The following GRXCR2 variants were observed in gnomAD, a reference collection of about 807,000 sequenced individuals.
The protein encoded by GRXCR2 is glutaredoxin and cysteine rich domain containing 2.
In GRXCR2, 23 loss-of-function variants were observed where a neutral mutation model predicts 24.8. The ratio of observed to expected loss-of-function variants is 0.93; its 90% CI spans 0.67 to 1.32. The LOEUF is 1.32. Ranked by LOEUF, GRXCR2 falls within the 40% of genes most tolerant of loss-of-function variation. The probability of loss-of-function intolerance (pLI) is 0.00; values close to 1 mark genes in which losing one functional copy is unlikely to be tolerated. For synonymous variants in GRXCR2, 130 were observed against 116.1 expected, an observed-to-expected ratio of 1.12 and a Z score of -0.77; for missense variants, 315 against 303.4, an observed-to-expected ratio of 1.04 and a Z score of -0.28.
At chr5:145,929,902 G>A (rs904463834) in intron 2 of GRXCR2, among the ~76,000 whole-genome samples, 14 of 151,894 alleles carry the variant, frequency 9.2e-5, no homozygotes, top group African/African-American at 4.8e-5. Flanking sequence ...AATCACTTCC[G>A]TTTCTTTATG....
chr5:145,861,543 G>T (rs1327160810), intron 2 of GRXCR2, among the ~76,000 whole-genome samples: 1 of 151,996 alleles, frequency 6.6e-6, no homozygotes, highest in South Asian at 2.1e-4. Context: ...ATGGCCACCT[G>T]TACTGCCCCT....
chr5:145,892,752 C>T (rs1204506730), intron 2 of GRXCR2, among the ~76,000 whole-genome samples: 1 of 152,084 alleles, frequency 6.6e-6, no homozygotes, highest in Admixed American at 6.5e-5. Flanking sequence ...GCAAGGCAGG[C>T]CAACATTCAA....
intron 2 of GRXCR2, among the ~76,000 whole-genome samples, chr5:145,892,414 T>A (rs781016112): frequency 6.6e-5 from 10 of 152,052 alleles, no homozygotes; most frequent in Non-Finnish European, 1.3e-4. Context: ...CTAACTAGAA[T>A]AACCAATGCA....
intron 2 of GRXCR2, among the ~76,000 whole-genome samples, chr5:145,909,006 G>T (rs1757126838): frequency 6.6e-6 from 1 of 152,078 alleles, no homozygotes; most frequent in African/African-American, 2.4e-5. Context: ...TCATTTGCTG[G>T]GTGAGCTTAA....
At position 145,893,913 on chromosome 5, in the gene GRXCR2, C is replaced by T. The variant is rs540278949; in HGVS notation, c.-69-27185G>A. The stretch of plus-strand genomic sequence containing the variant: ...GCACTCCTCAGCAAATGTAAAAGAA[C>T]AGAAATTATAACAAACTGTCTCTCA... On this transcript the variant is annotated intron_variant, in intron 2 of 3. Coordinates refer to the GRXCR2 transcript ENST00000639411. 6.1e-3 allele frequency among the ~76,000 whole-genome samples: 923 copies of T among 152,188 alleles called. 12 individuals carry two copies. Among genetic ancestry groups the T allele is most frequent in the African/African-American group, 0.021 (867 of 41,522 alleles).
rs180899835 is a variant in GRXCR2, at chr5:145,915,791, G to A, written c.-70+19910C>T. Among the ~76,000 whole-genome samples, 425 of 152,076 alleles carry A rather than the reference G, an allele frequency of 2.8e-3. 2 individuals carry two copies. Among genetic ancestry groups the A allele is most frequent in the African/African-American group, 0.01 (415 of 41,486 alleles). On this transcript the variant is annotated intron_variant, in intron 2 of 3. Transcript: ENST00000639411. ...TAGGATCTACACATTAGAAGGCTGT[G>A]TGTCTTTGGACATTTCCTTGTGCCT...
chr5:145,861,178 G>A lies in GRXCR2; in HGVS notation c.565-1263C>T, dbSNP rs537796511. Among the ~76,000 whole-genome samples the A allele has an allele frequency of 3.4e-3, 515 of 152,246 alleles. 6 individuals carry two copies. Among genetic ancestry groups the A allele is most frequent in the African/African-American group, 0.012 (487 of 41,538 alleles). On this transcript the variant is annotated intron_variant, in intron 2 of 2. Transcript: ENST00000377976. ...TTGCCCACTGACTCTGGCATGAACT[G>A]AGTGTGGACCCATGCCTCTGGTCTT...
At chr5:145,875,317 G>A (rs567684113), upstream of GRXCR2, among the ~76,000 whole-genome samples, 67 of 152,312 alleles carry the variant, frequency 4.4e-4, no homozygotes, top group Middle Eastern at 6.8e-3. Context: ...TGGAAGGGCC[G>A]AGGCAGGTGG....
At chr5:145,916,373 A>T (rs1423649017) in intron 2 of GRXCR2, among the ~76,000 whole-genome samples, 1 of 152,182 alleles carries the variant, frequency 6.6e-6, no homozygotes, top group Non-Finnish European at 1.5e-5. Context: ...ACATTTTTCC[A>T]GGCTGGGGAA....
intron 2 of GRXCR2, among the ~76,000 whole-genome samples, chr5:145,889,945 A>G (rs1756840151): frequency 6.6e-6 from 1 of 152,254 alleles, no homozygotes; most frequent in Non-Finnish European, 1.5e-5. Flanking sequence ...TTCTGGAATT[A>G]AAATACTCAT....
intron 2 of GRXCR2, among the ~76,000 whole-genome samples, chr5:145,928,757 TG>T (rs1757435342): frequency 2.6e-5 from 1 of 38,994 alleles, no homozygotes; most frequent in African/African-American, 9.2e-5. Context: ...TGTTGTGGGG[TG>T]GGGGGAGGGG....
chr5:145,916,381 G>T (rs542298324), intron 2 of GRXCR2, among the ~76,000 whole-genome samples: 1 of 152,252 alleles, frequency 6.6e-6, no homozygotes, highest in South Asian at 2.1e-4. Flanking sequence ...CCAGGCTGGG[G>T]AAGTGTTATT....
intron 2 of GRXCR2, among the ~76,000 whole-genome samples, chr5:145,910,837 A>AGTGTGT (rs59096502): frequency 0.021 from 3,112 of 150,306 alleles, 101 homozygotes; most frequent in African/African-American, 0.067. Context: ...AACTATGTGA[A>AGTGTGT]GTGTGTGTGT....
chr5:145,923,747 T>G (rs1757356693), intron 2 of GRXCR2, among the ~76,000 whole-genome samples: 1 of 152,198 alleles, frequency 6.6e-6, no homozygotes, highest in Non-Finnish European at 1.5e-5. Context: ...GAGCACTGCT[T>G]ACCATCTTCT....
At chr5:145,870,528 G>A (rs191467733) in intron 1 of GRXCR2, among the ~76,000 whole-genome samples, 16 of 152,242 alleles carry the variant, frequency 1.1e-4, no homozygotes, top group Admixed American at 9.8e-4. Flanking sequence ...TGAGAATAAT[G>A]CTGCTATGAA....
intron 2 of GRXCR2, among the ~76,000 whole-genome samples, chr5:145,889,238 A>AAGAAAGAAAGAG (rs1201131471): frequency 4.4e-4 from 66 of 149,140 alleles, no homozygotes; most frequent in Middle Eastern, 3.4e-3. Context: ...GAAAGAAAGA[A>AAGAAAGAAAGAG]AGAAAGAATT....
At chr5:145,904,675 T>G (rs1038757804) in intron 2 of GRXCR2, among the ~76,000 whole-genome samples, 1 of 152,200 alleles carries the variant, frequency 6.6e-6, no homozygotes, top group Non-Finnish European at 1.5e-5. Context: ...GTAAGTCAGA[T>G]GCTGGCCTGA....
chr5:145,865,709 G>C (rs541649488), intron 2 of GRXCR2, among the ~76,000 whole-genome samples: 1 of 152,172 alleles, frequency 6.6e-6, no homozygotes, highest in South Asian at 2.1e-4. Context: ...CTGGTCTAGT[G>C]GATTTACAAA....
chr5:145,916,122 G>A (rs921019048), intron 2 of GRXCR2, among the ~76,000 whole-genome samples: 1 of 152,146 alleles, frequency 6.6e-6, no homozygotes, highest in Non-Finnish European at 1.5e-5. Flanking sequence ...AGGAAGCGGG[G>A]GGCGCTGCTC....
Sources: allele counts gnomAD v4.1 joint callset (sites outside exome capture counted in the v4.1 genomes callset), GRCh38; gene constraint gnomAD v4.1.1; transcripts MANE v1.5; gene names NCBI Gene and HGNC (gene_info 2026-07-23, HGNC 2026-07-21).